The following TMEM178B variants were observed in gnomAD, a reference collection of about 807,000 sequenced individuals.
TMEM178B encodes the protein transmembrane protein 178B.
A neutral mutation model predicts 31.0 loss-of-function variants in TMEM178B; 5 were observed. The ratio of observed to expected loss-of-function variants is 0.16; its 90% CI spans 0.08 to 0.34. The LOEUF is 0.34. Ranked by LOEUF, TMEM178B falls within the 10% of genes least tolerant of loss-of-function variation. The pLI is 1.00. For synonymous variants in TMEM178B, 164 were observed against 164.0 expected (o/e 1.00, Z 0.00); for missense variants, 275 against 400.3 (o/e 0.69, Z 2.67).
chr7:141,281,392 G>C (rs1318955943), intron 2 of TMEM178B, among the ~76,000 whole-genome samples: 6 of 152,016 alleles, frequency 3.9e-5, no homozygotes, highest in Non-Finnish European at 8.8e-5. Flanking sequence ...TTCTTTTCTG[G>C]GGTTTAAAAA....
intron 2 of TMEM178B, among the ~76,000 whole-genome samples, chr7:141,409,168 T>A (rs1800937185): frequency 6.6e-6 from 1 of 152,180 alleles, no homozygotes; most frequent in Non-Finnish European, 1.5e-5. Context: ...ATGCACGTAC[T>A]GTCAGCTGGA....
At chr7:141,489,684 T>C in the TMEM178B span, among the ~76,000 whole-genome samples, 1 of 152,060 alleles carries the variant, frequency 6.6e-6, no homozygotes, top group Non-Finnish European at 1.5e-5. Context: ...GGCACACACA[T>C]TTTCCCGTGT....
rs924097542 is a variant in TMEM178B at position 141,474,181 on chromosome 7, T to C, written c.*3395T>C. Reference sequence around the variant, plus strand: ...TTGCAACTTTTATTTCCTTCCCTACTCTACTACCTTGAGATTCAGGAAAGT... The same window carrying C: ...TTGCAACTTTTATTTCCTTCCCTACCCTACTACCTTGAGATTCAGGAAAGT... On this transcript the variant is annotated 3_prime_UTR_variant, in exon 4 of 4. Coordinates refer to ENST00000565468, the MANE Select transcript of TMEM178B (RefSeq NM_001195278.2). The C allele has an allele frequency of 3.3e-5, 5 of 152,190 alleles. No homozygotes were observed. The highest frequency in any genetic ancestry group is 1.2e-4 in the African/African-American group (5 of 41,442). The allele number at this position is 152,190 out of a possible 1,614,324, so 9.4% of individuals were successfully genotyped here.
chr7:141,220,337 AT>A lies in TMEM178B; in HGVS notation c.496+7634del, dbSNP rs778394016. ...AATAATAATAATAATAATAATAATAATAATAATAATAATAATAATAATAAAA... is the reference window on the plus strand; with the variant it reads ...AATAATAATAATAATAATAATAATAAAATAATAATAATAATAATAATAAAA... On this transcript the variant is annotated intron_variant, in intron 2 of 3. Transcript: ENST00000565468. Among the ~76,000 whole-genome samples the A allele has an allele frequency of 4.3e-3, 608 of 141,586 alleles. 6 individuals carry two copies. Among genetic ancestry groups the A allele is most frequent in the South Asian group, 0.019 (90 of 4,634 alleles). 92.9% of individuals were successfully genotyped at this position (141,586 alleles called of 152,430 possible).
At chr7:141,117,179 G>T (rs1047350352) in intron 1 of TMEM178B, among the ~76,000 whole-genome samples, 1 of 152,162 alleles carries the variant, frequency 6.6e-6, no homozygotes, top group African/African-American at 2.4e-5. Context: ...AGCATCTGTT[G>T]TTTCCTGACT....
At chr7:141,316,227 G>T (rs926738122) in intron 2 of TMEM178B, among the ~76,000 whole-genome samples, 2 of 152,044 alleles carry the variant, frequency 1.3e-5, no homozygotes, top group African/African-American at 4.8e-5. Flanking sequence ...GGTGGGGCTG[G>T]GCCTATTTCT....
At chr7:141,221,154 T>C (rs937268760) in intron 2 of TMEM178B, among the ~76,000 whole-genome samples, 3 of 152,250 alleles carry the variant, frequency 2.0e-5, no homozygotes, top group Non-Finnish European at 4.4e-5. Context: ...GCCTGCATTT[T>C]ACAGCGAGGG....
At chr7:141,456,319 G>T (rs771926723) in intron 3 of TMEM178B, among the ~76,000 whole-genome samples, 3 of 152,182 alleles carry the variant, frequency 2.0e-5, no homozygotes, top group Non-Finnish European at 1.5e-5. Context: ...AAGGGATCAT[G>T]ATCCAGAGAG....
chr7:141,159,890 G>A (rs967881198), intron 1 of TMEM178B, among the ~76,000 whole-genome samples: 1 of 151,716 alleles, frequency 6.6e-6, no homozygotes, highest in African/African-American at 2.4e-5. Context: ...GTTTGGCTGT[G>A]CAACAACATG....
intron 1 of TMEM178B, among the ~76,000 whole-genome samples, chr7:141,172,137 G>A (rs778332223): frequency 5.3e-5 from 8 of 152,170 alleles, no homozygotes; most frequent in Admixed American, 2.6e-4. Context: ...AGGTTACAGA[G>A]TTGGAATCAG....
chr7:141,172,632 A>T (rs766177103), intron 1 of TMEM178B, among the ~76,000 whole-genome samples: 5 of 152,244 alleles, frequency 3.3e-5, no homozygotes, highest in Non-Finnish European at 5.9e-5. Flanking sequence ...CCAGCAGCAC[A>T]GGATGCCACA....
chr7:141,490,901 G>A, the TMEM178B span, among the ~76,000 whole-genome samples: 1 of 152,184 alleles, frequency 6.6e-6, no homozygotes, highest in African/African-American at 2.4e-5. Context: ...AGCTATCTTT[G>A]CAGATGAGAA....
intron 1 of TMEM178B, among the ~76,000 whole-genome samples, chr7:141,120,370 C>A (rs1795390133): frequency 6.6e-6 from 1 of 152,180 alleles, no homozygotes; most frequent in Non-Finnish European, 1.5e-5. Flanking sequence ...AGTTTCTATT[C>A]AATAAAATGC....
chr7:141,475,818 T>G lies in TMEM178B; in HGVS notation c.*5032T>G, dbSNP rs931918436. 1 of 151,914 alleles carries G rather than the reference T, an allele frequency of 6.6e-6. No homozygotes were observed. The highest frequency in any genetic ancestry group is 2.4e-5 in the African/African-American group (1 of 41,316). 9.4% of individuals were successfully genotyped at this position (151,914 alleles called of 1,614,324 possible). A position where few individuals can be genotyped will look rare whatever the true frequency, so the allele number is the denominator to read the frequency against. ...TTTTTTTGGTCAGTTGCCATCTCAA[T>G]CTAATCATAGATGTAAGAATGCGGA... is the stretch of plus-strand genomic sequence containing the variant. On this transcript the variant is annotated 3_prime_UTR_variant, in exon 4 of 4. Transcript: ENST00000565468.
intron 1 of TMEM178B, among the ~76,000 whole-genome samples, chr7:141,130,979 C>T (rs1333827669): frequency 1.3e-5 from 2 of 152,178 alleles, no homozygotes; most frequent in Admixed American, 1.3e-4. Flanking sequence ...CCCACTGCTG[C>T]CATTTCATTC....
chr7:141,386,785 G>A (rs1282229501), intron 2 of TMEM178B, among the ~76,000 whole-genome samples: 1 of 152,116 alleles, frequency 6.6e-6, no homozygotes, highest in Non-Finnish European at 1.5e-5. Context: ...TTTAATCAAG[G>A]GAAGGATCCT....
At chr7:141,487,436 T>C in the TMEM178B span, among the ~76,000 whole-genome samples, 1 of 152,034 alleles carries the variant, frequency 6.6e-6, no homozygotes, top group South Asian at 2.1e-4. Context: ...CACAAATCAT[T>C]TTAGTGGCCT....
chr7:141,290,516 C>T (rs1798526908), intron 2 of TMEM178B, among the ~76,000 whole-genome samples: 1 of 146,726 alleles, frequency 6.8e-6, no homozygotes, highest in African/African-American at 2.4e-5. Context: ...GTACATTCCT[C>T]CTTCACACAC....
intron 1 of TMEM178B, among the ~76,000 whole-genome samples, chr7:141,150,591 C>T (rs1795956393): frequency 1.3e-5 from 2 of 152,212 alleles, no homozygotes; most frequent in Admixed American, 1.3e-4. Context: ...CTGCCTTTGG[C>T]TTCTTGGCTC....
Sources: allele counts gnomAD v4.1 joint callset (sites outside exome capture counted in the v4.1 genomes callset), GRCh38; gene constraint gnomAD v4.1.1; transcripts MANE v1.5; gene names NCBI Gene and HGNC (gene_info 2026-07-23, HGNC 2026-07-21).